Variants in SETBP1 observed in about 807,000 individuals in gnomAD.
SETBP1 encodes SET binding protein 1, also known as SET-binding protein.
In SETBP1, 9 loss-of-function variants were observed where a neutral mutation model predicts 101.0. The ratio of observed to expected loss-of-function variants is 0.09; its 90% CI spans 0.05 to 0.16. The LOEUF (loss-of-function observed/expected upper bound fraction) is 0.16. Among genes scored for constraint, SETBP1 ranks in the 10% least tolerant of loss-of-function variants. The pLI, the probability that SETBP1 is intolerant of heterozygous loss-of-function variation, is 1.00. For missense variants in SETBP1, 1,858 were observed against 2,033.8 expected, an observed-to-expected ratio of 0.91 and a Z score of 1.66; for synonymous variants, 818 against 788.5, an observed-to-expected ratio of 1.04 and a Z score of -0.63.
intron 2 of SETBP1, among the ~76,000 whole-genome samples, chr18:44,773,838 A>ATGTGTGTGTGTGTGTG (rs61649185): frequency 0.26 from 35,020 of 133,928 alleles, 5,323 homozygotes; most frequent in Non-Finnish European, 0.32. Context: ...CTCTCTGTTT[A>ATGTGTGTGTGTGTGTG]TGTGTGTGTG....
chr18:44,889,227 G>A (rs576346179), intron 3 of SETBP1, among the ~76,000 whole-genome samples: 22 of 152,138 alleles, frequency 1.4e-4, no homozygotes, highest in Non-Finnish European at 2.8e-4. Context: ...ATAAACCTCC[G>A]TGGCTTTAAA....
chr18:44,947,580 C>T (rs1317079302), intron 3 of SETBP1, among the ~76,000 whole-genome samples: 2 of 149,874 alleles, frequency 1.3e-5, no homozygotes, highest in Admixed American at 6.7e-5. Context: ...GATCTCGGCT[C>T]ACCACAACCT....
At chr18:44,810,596 G>A (rs1297714484) in intron 2 of SETBP1, among the ~76,000 whole-genome samples, 1 of 152,170 alleles carries the variant, frequency 6.6e-6, no homozygotes, top group East Asian at 1.9e-4. Context: ...AGTGAATAAT[G>A]TTTGATTTAG....
Position 45,063,918 on chromosome 18 carries a change from C to T in SETBP1, c.*220C>T. 1.9e-6 allele frequency: 1 copy of T among 520,832 alleles called. No homozygotes were observed. The highest frequency in any genetic ancestry group is 3.5e-6 in the Non-Finnish European group (1 of 288,078). The allele number at this position is 520,832 out of a possible 1,614,324, so 32.3% of individuals were successfully genotyped here. On this transcript the variant is annotated 3_prime_UTR_variant, in exon 6 of 6. Coordinates refer to ENST00000649279, the MANE Select transcript of SETBP1 (RefSeq NM_015559.3). ...TCAGAAGAAGCTTGTCTGAGCTTCA[C>T]CGCAGCTCCCACCACGCGGCGCTTC...
At chr18:44,999,124 C>T (rs575773737) in intron 4 of SETBP1, among the ~76,000 whole-genome samples, 1 of 152,096 alleles carries the variant, frequency 6.6e-6, no homozygotes, top group Non-Finnish European at 1.5e-5. Flanking sequence ...TCTTTTACTC[C>T]TGGTGCTCTG....
At chr18:44,778,097 C>T (rs2071042808) in intron 2 of SETBP1, among the ~76,000 whole-genome samples, 1 of 152,192 alleles carries the variant, frequency 6.6e-6, no homozygotes, top group Non-Finnish European at 1.5e-5. Flanking sequence ...CCCCCTCCCT[C>T]TCTTCTCCCT....
intron 2 of SETBP1, among the ~76,000 whole-genome samples, chr18:44,845,893 C>A (rs2072714638): frequency 6.6e-6 from 1 of 152,168 alleles, no homozygotes; most frequent in Admixed American, 6.5e-5. Context: ...TTGATGGAAG[C>A]AATACCTCTT....
chr18:45,013,535 G>A (rs923681312), intron 4 of SETBP1, among the ~76,000 whole-genome samples: 2 of 152,070 alleles, frequency 1.3e-5, no homozygotes, highest in African/African-American at 4.8e-5. Flanking sequence ...TGCCTCCCGG[G>A]TTCAAGCAAT....
At chr18:44,731,524 T>C (rs1449713657) in intron 2 of SETBP1, among the ~76,000 whole-genome samples, 1 of 152,162 alleles carries the variant, frequency 6.6e-6, no homozygotes, top group Non-Finnish European at 1.5e-5. Context: ...TAGAATTGTT[T>C]TGATTTGTGA....
At chr18:44,738,617 T>C (rs1163666793) in intron 2 of SETBP1, among the ~76,000 whole-genome samples, 4 of 151,706 alleles carry the variant, frequency 2.6e-5, no homozygotes, top group Non-Finnish European at 5.9e-5. Flanking sequence ...CTACTAAAAA[T>C]ACAAAAACTA....
At chr18:44,743,947 T>C (rs2144491188) in intron 2 of SETBP1, among the ~76,000 whole-genome samples, 1 of 152,352 alleles carries the variant, frequency 6.6e-6, no homozygotes, top group Admixed American at 6.5e-5. Flanking sequence ...TCATGGTGAC[T>C]GCCAAGAATG....
chr18:44,827,836 G>A (rs2072269794), intron 2 of SETBP1, among the ~76,000 whole-genome samples: 1 of 152,178 alleles, frequency 6.6e-6, no homozygotes, highest in Admixed American at 6.5e-5. Flanking sequence ...CCTTCAACCA[G>A]CTCTGCCATG....
At chr18:45,011,641 C>T (rs1286700203) in intron 4 of SETBP1, among the ~76,000 whole-genome samples, 1 of 152,330 alleles carries the variant, frequency 6.6e-6, no homozygotes, top group East Asian at 1.9e-4. Flanking sequence ...GTTTGCTAAC[C>T]AGGCTTTGTG....
chr18:44,702,380 A>G (rs879292794), intron 2 of SETBP1, among the ~76,000 whole-genome samples: 3 of 152,124 alleles, frequency 2.0e-5, no homozygotes, highest in Admixed American at 1.3e-4. Flanking sequence ...TTAATTACCA[A>G]TCTCCTTGAT....
In SETBP1 at chr18:44,893,814, A is replaced by G. The variant is rs529438889; in HGVS notation, c.540+24531A>G. ...TCTTATTTTAACATGTGTAAAATGC[A>G]CACAAAAATACCTATTTGTGTGTGT... On this transcript the variant is annotated intron_variant, in intron 3 of 5. Transcript: ENST00000649279. Among the ~76,000 whole-genome samples the G allele has an allele frequency of 4.6e-5, 7 of 152,288 alleles. No homozygotes were observed. The East Asian group carries it at 1.4e-3, about 29-fold the overall frequency.
In SETBP1 at chr18:44,953,264, G is replaced by A. The variant is rs138595519; in HGVS notation, c.3924G>A (p.Thr1308=). 1.3e-4 allele frequency: 216 copies of A among 1,613,994 alleles called. No homozygotes were observed. The South Asian group carries it at 2.2e-3, about 17-fold the overall frequency. ...GGAGGAGCTATGAAGGCTTTGGAACGTACAGGGAAAAGGACATCCAAGCCT... is the reference window on the plus strand; with the variant it reads ...GGAGGAGCTATGAAGGCTTTGGAACATACAGGGAAAAGGACATCCAAGCCT... ...SKRRSYEGFG[T]YREKDIQAFK... Residue 1308 remains threonine (T), a synonymous_variant, in exon 4 of 6, where the codon ACG becomes ACA. Transcript: ENST00000649279.
chr18:44,727,743 G>T (rs947053702), intron 2 of SETBP1, among the ~76,000 whole-genome samples: 4 of 152,170 alleles, frequency 2.6e-5, no homozygotes, highest in Admixed American at 2.6e-4. Flanking sequence ...CAATCTCCTT[G>T]GTGCTTTGTG....
chr18:44,833,293 A>G (rs187041393), intron 2 of SETBP1, among the ~76,000 whole-genome samples: 52 of 152,384 alleles, frequency 3.4e-4, no homozygotes, highest in African/African-American at 1.2e-3. Context: ...AGTTGTGTTT[A>G]AGGTGGAAAG....
intron 3 of SETBP1, 34 bp from the exon 4 acceptor site, chr18:44,949,847 T>C (rs1449800921): frequency 2.0e-6 from 3 of 1,511,344 alleles, no homozygotes; most frequent in Middle Eastern, 1.7e-4. Context: ...TCTCTCTCTC[T>C]GTCTCTCTCC....
Sources: allele counts gnomAD v4.1 joint callset (sites outside exome capture counted in the v4.1 genomes callset), GRCh38; gene constraint gnomAD v4.1.1; transcripts MANE v1.5; gene names NCBI Gene and HGNC (gene_info 2026-07-23, HGNC 2026-07-21).